Variants in TRPM3 observed in about 807,000 individuals in gnomAD.
TRPM3 encodes long transient receptor potential channel 3.
TRPM3 carries 77 observed loss-of-function variants against 181.2 expected under a neutral mutation model. The observed-to-expected ratio is 0.42, with a 90% CI of 0.35 to 0.51. The LOEUF (loss-of-function observed/expected upper bound fraction) is 0.51. Ranked by LOEUF, TRPM3 falls within the 20% of genes least tolerant of loss-of-function variation. The pLI, the probability that TRPM3 is intolerant of heterozygous loss-of-function variation, is 0.01. For synonymous variants in TRPM3, 745 were observed against 796.4 expected (o/e 0.94, Z 1.09); for missense variants, 1,759 against 2,196.7 (o/e 0.80, Z 3.98).
rs2096795539 is a variant in TRPM3 at position 70,933,569 on chromosome 9, T to G, written c.178-69058A>C. Among the ~76,000 whole-genome samples, 3 of 152,164 alleles carry G rather than the reference T, an allele frequency of 2.0e-5. No individual in the cohort carries two copies. In the South Asian group the frequency reaches 6.2e-4, roughly 32 times the overall value. Reference sequence around the variant, plus strand: ...TCTATGGAGTGGAATGAAACCAGATTGGAATGAGTTAAGGAGACAGTAGAG... The same window carrying G: ...TCTATGGAGTGGAATGAAACCAGATGGGAATGAGTTAAGGAGACAGTAGAG... On this transcript the variant is annotated intron_variant, in intron 1 of 25. Transcript: ENST00000677713.
chr9:71,251,914 T>C lies in TRPM3; in HGVS notation c.183+194739A>G, dbSNP rs142627339. ...CTACTCTCTATCTCTGTGTGTTTAATTGTTTTGATTTTTAGTTCCCACAAA... is the reference window on the plus strand; with the variant it reads ...CTACTCTCTATCTCTGTGTGTTTAACTGTTTTGATTTTTAGTTCCCACAAA... On this transcript the variant is annotated intron_variant, in intron 1 of 24. Transcript: ENST00000357533. 2.0e-5 allele frequency among the ~76,000 whole-genome samples: 3 copies of C among 152,302 alleles called. No homozygotes were observed. The East Asian group carries it at 5.8e-4, about 29-fold the overall frequency.
intron 1 of TRPM3, among the ~76,000 whole-genome samples, chr9:70,945,768 T>C (rs558588885): frequency 6.6e-6 from 1 of 152,292 alleles, no homozygotes; most frequent in Admixed American, 6.5e-5. Flanking sequence ...ATAGAACAAG[T>C]TAATTTTGAG....
At chr9:70,697,575 C>T (rs1290557871) in intron 8 of TRPM3, among the ~76,000 whole-genome samples, 1 of 152,198 alleles carries the variant, frequency 6.6e-6, no homozygotes, top group African/African-American at 2.4e-5. Flanking sequence ...CTACGATTTT[C>T]AGACTATTAA....
intron 1 of TRPM3, among the ~76,000 whole-genome samples, chr9:71,258,896 TTTTC>T (rs2082849452): frequency 6.6e-6 from 1 of 152,156 alleles, no homozygotes; most frequent in Admixed American, 6.6e-5. Flanking sequence ...TTAATGGAGC[TTTTC>T]TTTCTTAATT....
Position 70,875,069 on chromosome 9 carries a change from G to A in TRPM3, c.178-10558C>T, listed in dbSNP as rs146595489. Among the ~76,000 whole-genome samples the A allele has an allele frequency of 8.0e-4, 122 of 151,906 alleles. 1 individual carries two copies. Among genetic ancestry groups the A allele is most frequent in the African/African-American group, 2.0e-3 (81 of 41,458 alleles). ...AGGTACAGACTTAAATCTGGCTGTCGGATCTTGTTTCTGAAATCCCTATTT... is the reference window on the plus strand; with the variant it reads ...AGGTACAGACTTAAATCTGGCTGTCAGATCTTGTTTCTGAAATCCCTATTT... On this transcript the variant is annotated intron_variant, in intron 1 of 25. Coordinates refer to ENST00000677713, the MANE Select transcript of TRPM3 (RefSeq NM_001366145.2).
At chr9:70,632,157 C>T (rs769777635) in intron 12 of TRPM3, among the ~76,000 whole-genome samples, 22 of 151,978 alleles carry the variant, frequency 1.4e-4, no homozygotes, top group Non-Finnish European at 2.5e-4. Context: ...TTTAAGTTCC[C>T]AAGATTTTCT....
intron 11 of TRPM3, among the ~76,000 whole-genome samples, chr9:70,635,875 A>C (rs1352635515): frequency 6.6e-6 from 1 of 152,194 alleles, no homozygotes; most frequent in Non-Finnish European, 1.5e-5. Context: ...AACTCTGTTG[A>C]CAGCTAGGCC....
chr9:70,825,584 C>T (rs1253200481), intron 6 of TRPM3: 1 of 152,230 alleles, frequency 6.6e-6, no homozygotes, highest in Non-Finnish European at 1.5e-5. Context: ...ATGATCTACC[C>T]AAGGACTAGT....
intron 8 of TRPM3, among the ~76,000 whole-genome samples, chr9:70,756,962 C>G (rs1271567094): frequency 6.6e-6 from 1 of 151,972 alleles, no homozygotes; most frequent in Non-Finnish European, 1.5e-5. Flanking sequence ...CAAAAGCTAG[C>G]AGAAGACAAG....
chr9:70,612,994 G>A (rs753614555), intron 18 of TRPM3, among the ~76,000 whole-genome samples: 6 of 152,126 alleles, frequency 3.9e-5, no homozygotes, highest in Non-Finnish European at 7.3e-5. Context: ...CTGGGTCTGT[G>A]GACTTGTGGG....
chr9:71,145,140 A>T (rs1301894878), intron 1 of TRPM3, among the ~76,000 whole-genome samples: 3 of 152,200 alleles, frequency 2.0e-5, no homozygotes, highest in African/African-American at 7.2e-5. Flanking sequence ...ACAGCTGTTT[A>T]TCATCATAAT....
chr9:71,300,568 A>C (rs2086676433), intron 1 of TRPM3, among the ~76,000 whole-genome samples: 2 of 152,144 alleles, frequency 1.3e-5, no homozygotes, highest in Non-Finnish European at 2.9e-5. Context: ...TGGTGAATAC[A>C]GCAAGCCTTC....
intron 22 of TRPM3, among the ~76,000 whole-genome samples, chr9:70,576,847 AT>A (rs1351191904): frequency 6.6e-6 from 1 of 151,800 alleles, no homozygotes; most frequent in African/African-American, 2.4e-5. Context: ...TCACACTGGC[AT>A]TTTTTTTGAT....
rs1011463754 is a variant in TRPM3, at chr9:70,535,730, T to G, written c.*223A>C. On this transcript the variant is annotated 3_prime_UTR_variant, in exon 26 of 26. Transcript: ENST00000677713. ...CTCTTCCCCCTCCCTGCCCAGCAAG[T>G]GTGAACATGCCTTAAATCCCCTGTG... is the stretch of plus-strand genomic sequence containing the variant. The G allele has an allele frequency of 3.5e-6, 5 of 1,441,784 alleles. No individual in the cohort carries two copies. In the South Asian group the frequency reaches 7.5e-5, roughly 22 times the overall value. The allele number at this position is 1,441,784 out of a possible 1,614,324, so 89.3% of individuals were successfully genotyped here.
chr9:71,384,903 A>AACT (rs1361254735), intron 1 of TRPM3, among the ~76,000 whole-genome samples: 14 of 152,220 alleles, frequency 9.2e-5, no homozygotes, highest in Non-Finnish European at 7.3e-5. Context: ...TTCATTCTTC[A>AACT]GTTAATAAAA....
chr9:70,660,288 C>T (rs2078872753), intron 9 of TRPM3, among the ~76,000 whole-genome samples: 1 of 152,092 alleles, frequency 6.6e-6, no homozygotes, highest in Admixed American at 6.5e-5. Context: ...CAAAGACACC[C>T]CTCTGCTTAC....
rs373521044 is a variant in TRPM3 at position 70,921,332 on chromosome 9, G to A, written c.178-56821C>T. 5.3e-5 allele frequency among the ~76,000 whole-genome samples: 8 copies of A among 152,254 alleles called. No individual in the cohort carries two copies. The East Asian group carries it at 5.8e-4, about 11-fold the overall frequency. ...ATTCAAACAGAGTACTTTGTGTCTC[G>A]GCTTTGCTGAGGCCTAAAGGCTGAA... On this transcript the variant is annotated intron_variant, in intron 1 of 25. Transcript: ENST00000677713.
At chr9:71,376,752 T>C (rs1445417861) in intron 1 of TRPM3, among the ~76,000 whole-genome samples, 1 of 152,092 alleles carries the variant, frequency 6.6e-6, no homozygotes, top group Non-Finnish European at 1.5e-5. Flanking sequence ...TATATTCTAG[T>C]TTAATAACAT....
chr9:70,632,971 G>A (rs1166015350), intron 12 of TRPM3, among the ~76,000 whole-genome samples: 1 of 152,202 alleles, frequency 6.6e-6, no homozygotes, highest in African/African-American at 2.4e-5. Context: ...AGAAAGTAAT[G>A]AGAGGGATTT....
Sources: gnomAD v4.1 joint callset for allele counts (sites outside exome capture counted in the v4.1 genomes callset) on GRCh38, gnomAD v4.1.1 for gene constraint, MANE v1.5 for transcripts, NCBI Gene and HGNC (gene_info 2026-07-23, HGNC 2026-07-21) for gene names.